APOBEC3D: variants seen among roughly 807,000 people sequenced by gnomAD.
The protein encoded by APOBEC3D is apolipoprotein B mRNA editing enzyme catalytic subunit 3D.
APOBEC3D carries 37 observed loss-of-function variants against 45.6 expected under a neutral mutation model. The observed-to-expected ratio is 0.81, with a 90% CI of 0.62 to 1.07. APOBEC3D has a LOEUF of 1.07. Among genes scored for constraint, APOBEC3D ranks in the 50% least tolerant of loss-of-function variants. APOBEC3D has a pLI of 0.00. For missense variants in APOBEC3D, 496 were observed against 495.3 expected (o/e 1.00, Z -0.01); for synonymous variants, 175 against 180.7 (o/e 0.97, Z 0.25).
At chr22:39,031,565 T>A in intron 5 of APOBEC3D, 129 bp from the exon 6 acceptor site, 2 of 1,382,312 alleles carry the variant, frequency 1.4e-6, no homozygotes, top group South Asian at 1.4e-5. Flanking sequence ...AGAGACCCTG[T>A]CTCAAAAATA....
chr22:39,025,703 C>T (rs1925583063), intron 4 of APOBEC3D, 32 bp downstream of exon 4: 1 of 1,613,496 alleles, frequency 6.2e-7, no homozygotes, highest in Non-Finnish European at 8.5e-7. Flanking sequence ...CATCGTCTCT[C>T]TCCTCTCGCC....
At chr22:39,023,449 C>CTTTTT (rs202241274) in intron 2 of APOBEC3D, among the ~76,000 whole-genome samples, 1 of 133,906 alleles carries the variant, frequency 7.5e-6, no homozygotes, top group Non-Finnish European at 1.6e-5. Flanking sequence ...TTCTTTCTTT[C>CTTTTT]TTTTTTTTTT....
chr22:39,027,337 G>A (rs541102834), intron 4 of APOBEC3D, among the ~76,000 whole-genome samples: 14 of 152,278 alleles, frequency 9.2e-5, no homozygotes, highest in Non-Finnish European at 1.6e-4. Context: ...TGGCCTCTGA[G>A]TGTGAAGGCA....
chr22:39,030,649 G>C (rs1926117383), intron 5 of APOBEC3D, among the ~76,000 whole-genome samples: 1 of 151,998 alleles, frequency 6.6e-6, no homozygotes, highest in Non-Finnish European at 1.5e-5. Flanking sequence ...CAAGTGCTCA[G>C]TAGCCCCTTT....
chr22:39,027,845 C>A (rs1434156152), intron 4 of APOBEC3D, among the ~76,000 whole-genome samples: 2 of 152,190 alleles, frequency 1.3e-5, no homozygotes, highest in African/African-American at 4.8e-5. Context: ...GCCATCTCCC[C>A]CACCTGCCCC....
At position 39,032,759 on chromosome 22, in the gene APOBEC3D, ATTTTTTTTTTTTTTTTTT is replaced by A. The variant is rs59018660; in HGVS notation, c.*453_*470del. 1 of 96,030 alleles carries A rather than the reference ATTTTTTTTTTTTTTTTTT, an allele frequency of 1.0e-5. No individual in the cohort carries two copies. Among genetic ancestry groups the A allele is most frequent in the Non-Finnish European group, 1.8e-5 (1 of 56,054 alleles). The allele number at this position is 96,030 out of a possible 1,614,324, so 5.9% of individuals were successfully genotyped here. A position where few individuals can be genotyped will look rare whatever the true frequency, so the allele number is the denominator to read the frequency against. ...AGATGCCTGCCACCACGCCCAGCTA[ATTTTTTTTTTTTTTTTTT>A]TTTTTTTTTGTATTTTTAGTAGTGA... On this transcript the variant is annotated 3_prime_UTR_variant, in exon 7 of 7. Coordinates refer to ENST00000216099, the MANE Select transcript of APOBEC3D (RefSeq NM_152426.4).
Position 39,032,653 on chromosome 22 carries a change from G to T in APOBEC3D, c.*337G>T, listed in dbSNP as rs1176523582. 3.0e-6 allele frequency: 3 copies of T among 991,708 alleles called. No individual in the cohort carries two copies. In the African/African-American group the frequency reaches 5.3e-5, roughly 18 times the overall value. The allele number at this position is 991,708 out of a possible 1,614,324, so 61.4% of individuals were successfully genotyped here. On this transcript the variant is annotated 3_prime_UTR_variant, in exon 7 of 7. Transcript: ENST00000216099. ...CTGTCGCCCAGACTAGAGTGCAATGGCTGGATCTCAGCTCACTGCAAACTC... is the reference window on the plus strand; with the variant it reads ...CTGTCGCCCAGACTAGAGTGCAATGTCTGGATCTCAGCTCACTGCAAACTC...
intron 4 of APOBEC3D, among the ~76,000 whole-genome samples, chr22:39,026,101 A>G (rs1009734657): frequency 6.6e-6 from 1 of 152,224 alleles, no homozygotes; most frequent in African/African-American, 2.4e-5. Flanking sequence ...CCATGGAAAC[A>G]GAGCTTCAGG....
chr22:39,028,216 C>T (rs1421086987), intron 4 of APOBEC3D, among the ~76,000 whole-genome samples: 3 of 152,210 alleles, frequency 2.0e-5, no homozygotes, highest in Non-Finnish European at 4.4e-5. Flanking sequence ...TTTAGAATGA[C>T]ACCTGCAACA....
chr22:39,021,318 G>C lies in APOBEC3D; in HGVS notation c.-202G>C, dbSNP rs1925079117. 3.4e-6 allele frequency: 2 copies of C among 595,078 alleles called. No individual in the cohort carries two copies. The highest frequency in any genetic ancestry group is 6.2e-6 in the Non-Finnish European group (2 of 323,274). 36.9% of individuals were successfully genotyped at this position (595,078 alleles called of 1,614,324 possible). Reference sequence around the variant, plus strand: ...AGACGGGGTTTCTCCATGTTGGTCAGGCTGGTCTCGAACTCCTGACCTCGT... The same window carrying C: ...AGACGGGGTTTCTCCATGTTGGTCACGCTGGTCTCGAACTCCTGACCTCGT... On this transcript the variant is annotated 5_prime_UTR_variant, in exon 1 of 7. Coordinates refer to ENST00000216099, the MANE Select transcript of APOBEC3D (RefSeq NM_152426.4).
chr22:39,021,665 C>G, intron 1 of APOBEC3D, 129 bp downstream of exon 1: 1 of 1,306,690 alleles, frequency 7.7e-7, no homozygotes, highest in South Asian at 1.2e-5. Context: ...GCTTCCCTGC[C>G]GCCCCCACTC....
intron 4 of APOBEC3D, 100 bp from the exon 5 acceptor site, chr22:39,029,263 A>T: frequency 7.5e-7 from 1 of 1,341,964 alleles, no homozygotes; most frequent in Admixed American, 1.9e-5. Context: ...CTGTGGAGGG[A>T]TGGGAGAGGC....
intron 4 of APOBEC3D, 105 bp downstream of exon 4, chr22:39,025,776 G>A: frequency 6.3e-7 from 1 of 1,581,610 alleles, no homozygotes; most frequent in African/African-American, 1.4e-5. Flanking sequence ...CTGCCCCCCT[G>A]CCTGCCCTCA....
chr22:39,023,103 T>C, intron 2 of APOBEC3D, 89 bp downstream of exon 2: 4 of 938,090 alleles, frequency 4.3e-6, no homozygotes, highest in Non-Finnish European at 5.5e-6. Flanking sequence ...TTTATTTATT[T>C]TTTCTATTTA....
In APOBEC3D at chr22:39,025,355, A is replaced by G. The variant is rs764573769; in HGVS notation, c.490+6A>G. 4.3e-6 allele frequency: 7 copies of G among 1,613,780 alleles called. No homozygotes were observed. The East Asian group carries it at 1.6e-4, about 36-fold the overall frequency. On this transcript the variant is annotated splice_donor_region_variant and intron_variant, in intron 3 of 6. Coordinates refer to ENST00000216099, the MANE Select transcript of APOBEC3D (RefSeq NM_152426.4). ...GAAGATCATGGACTATGAAGGTGAG[A>G]GGTGCAGGGGTCAGGGGAGCATGAC...
Position 39,021,229 on chromosome 22 carries a change from T to C in APOBEC3D, c.-291T>C. On this transcript the variant is annotated 5_prime_UTR_variant, in exon 1 of 7. Transcript: ENST00000216099. The stretch of plus-strand genomic sequence containing the variant: ...TTCAAGTGATTCTCCTGCCTCAGCC[T>C]CCAGAGTAGCTGGGATTACAGGCGC... 5.7e-6 allele frequency: 2 copies of C among 349,804 alleles called. No individual in the cohort carries two copies. Among genetic ancestry groups the C allele is most frequent in the Non-Finnish European group, 5.6e-6 (1 of 180,106 alleles). 21.7% of individuals were successfully genotyped at this position (349,804 alleles called of 1,614,324 possible).
At chr22:39,023,059 C>T (rs772324491) in intron 2 of APOBEC3D, 45 bp downstream of exon 2, 29 of 1,461,598 alleles carry the variant, frequency 2.0e-5, no homozygotes, top group Middle Eastern at 2.0e-4. Flanking sequence ...AAATGTCTGG[C>T]GGCGGGCTCT....
chr22:39,025,003 C>A, intron 2 of APOBEC3D, 67 bp from the exon 3 acceptor site: 20 of 670,688 alleles, frequency 3.0e-5, no homozygotes, highest in Non-Finnish European at 3.4e-5. Context: ...CCTCCTCCCC[C>A]TGCCCCACCC....
At chr22:39,032,088 C>G (rs1470791602) in intron 6 of APOBEC3D, 110 bp from the exon 7 acceptor site, 17 of 1,581,256 alleles carry the variant, frequency 1.1e-5, no homozygotes, top group East Asian at 4.5e-5. Context: ...GGGATGGGGC[C>G]GGCGCCAGCT....
Sources: allele counts gnomAD v4.1 joint callset (sites outside exome capture counted in the v4.1 genomes callset), GRCh38; gene constraint gnomAD v4.1.1; transcripts MANE v1.5; gene names NCBI Gene and HGNC (gene_info 2026-07-23, HGNC 2026-07-21).